GSG1L2: variants seen among roughly 807,000 people sequenced by gnomAD.
GSG1L2 encodes germ cell-specific gene 1-like protein 2.
GSG1L2 carries 15 observed loss-of-function variants against 9.0 expected under a neutral mutation model. That is an observed-to-expected ratio of 1.67 (90% CI 1.12 to 2.57). The LOEUF is 2.57. Ranked by LOEUF, GSG1L2 falls within the 30% of genes most tolerant of loss-of-function variation. The probability of loss-of-function intolerance (pLI) is 0.00; values close to 1 mark genes in which losing one functional copy is unlikely to be tolerated. For synonymous variants in GSG1L2, 127 were observed against 57.9 expected, an observed-to-expected ratio of 2.19 and a Z score of -5.41; for missense variants, 286 against 150.3, an observed-to-expected ratio of 1.90 and a Z score of -4.72.
intron 4 of GSG1L2, chr17:9,804,491 T>A (rs2066509998): frequency 6.6e-6 from 1 of 151,812 alleles, no homozygotes; most frequent in Non-Finnish European, 1.5e-5. Context: ...TGCACAGGAG[T>A]GGGAAGCTGT....
intron 1 of GSG1L2, among the ~76,000 whole-genome samples, chr17:9,812,991 C>T (rs548452834): frequency 5.9e-5 from 9 of 152,282 alleles, no homozygotes; most frequent in Middle Eastern, 3.4e-3. Context: ...TAATTCCATA[C>T]GTGAGGGCTC....
intron 1 of GSG1L2, among the ~76,000 whole-genome samples, chr17:9,813,943 T>TC (rs1290889550): frequency 8.6e-6 from 1 of 115,846 alleles, no homozygotes; most frequent in African/African-American, 4.0e-5. Flanking sequence ...CACAGTTTTT[T>TC]CTGTTTTTTT....
At chr17:9,813,147 G>A (rs546299832) in intron 1 of GSG1L2, among the ~76,000 whole-genome samples, 17 of 152,294 alleles carry the variant, frequency 1.1e-4, no homozygotes, top group African/African-American at 3.6e-4. Context: ...GCAAGCATAC[G>A]CTTCTGGCAG....
In GSG1L2 at chr17:9,821,811, C is replaced by A. The variant is rs780350794; in HGVS notation, c.261G>T (p.Gly87=). 1 of 703,546 alleles carries A rather than the reference C, an allele frequency of 1.4e-6. No individual in the cohort carries two copies. Among genetic ancestry groups the A allele is most frequent in the Non-Finnish European group, 2.6e-6 (1 of 385,110 alleles). The allele number at this position is 703,546 out of a possible 1,614,324, so 43.6% of individuals were successfully genotyped here. A position where few individuals can be genotyped will look rare whatever the true frequency, so the allele number is the denominator to read the frequency against. The change falls in exon 1 of 5, where the codon GGG becomes GGT. Residue 87 remains glycine, a synonymous_variant. Transcript: ENST00000399363. ...AGGACTGCCAGAGCCCCACATGGAA[C>A]CCCCGCTGAATGAACTTGTCATCAC... The part of the protein sequence containing the change: ...ELGDDKFIQR[G]FHVGLWQSCE...
intron 1 of GSG1L2, among the ~76,000 whole-genome samples, chr17:9,816,360 ATGCGTGTGTCTGTGTGTG>A (rs1316078246): frequency 6.9e-4 from 73 of 106,000 alleles, no homozygotes; most frequent in South Asian, 5.9e-3. Context: ...GTGCACGCGT[ATGCGTGTGTCTGTGTGTG>A]TGCGTGTGTG....
chr17:9,820,954 G>C lies in GSG1L2; in HGVS notation c.310+808C>G, dbSNP rs1342914809. Among the ~76,000 whole-genome samples the C allele has an allele frequency of 6.6e-6, 1 of 152,196 alleles. No homozygotes were observed. The highest frequency in any genetic ancestry group is 1.9e-4 in the East Asian group (1 of 5,198). The stretch of plus-strand genomic sequence containing the variant: ...CTAGGATTATAGGAATGAGCCACCA[G>C]GCTGGGCCTCAGGGGCTTCATTCTT... On this transcript the variant is annotated intron_variant, in intron 1 of 4. Coordinates refer to ENST00000399363, the MANE Select transcript of GSG1L2 (RefSeq NM_001310219.2). This position sits in a 1 kb window ranked among gnomAD's most constrained non-coding sequence, Gnocchi z 4.9.
Position 9,802,570 on chromosome 17 carries a change from A to C in GSG1L2, c.698T>G (p.Leu233Arg). 1.4e-6 allele frequency: 1 copy of C among 702,802 alleles called. No individual in the cohort carries two copies. The highest frequency in any genetic ancestry group is 2.6e-6 in the Non-Finnish European group (1 of 384,938). 43.5% of individuals were successfully genotyped at this position (702,802 alleles called of 1,614,324 possible). Residue 233 changes from leucine (L) to arginine (R), a missense_variant, in exon 5 of 5, where the codon CTG (leucine) becomes CGG (arginine). Leu to Arg is a moderately radical substitution (Grantham distance 102). Transcript: ENST00000399363. Reference protein sequence around the residue: ...SAMSRFTAARLEFTEKQQAQN... With the variant: ...SAMSRFTAARREFTEKQQAQN... The stretch of plus-strand genomic sequence containing the variant: ...TGCCTGCTGCTTCTCGGTGAATTCC[A>C]GGCGGGCTGCCGTGAACCTGCTCAT...
chr17:9,800,736 T>C lies in GSG1L2; in HGVS notation c.*1650A>G, dbSNP rs1485849797. 6.6e-6 allele frequency among the ~76,000 whole-genome samples: 1 copy of C among 152,258 alleles called. No individual in the cohort carries two copies. The highest frequency in any genetic ancestry group is 2.4e-5 in the African/African-American group (1 of 41,470). The stretch of plus-strand genomic sequence containing the variant: ...TTCCCTGTAAGATGAGACTTTGACC[T>C]GATATCGTGACAGTCACACAGGACC... On this transcript the variant is annotated 3_prime_UTR_variant, in exon 5 of 5. Coordinates refer to ENST00000399363, the MANE Select transcript of GSG1L2 (RefSeq NM_001310219.2).
chr17:9,807,782 C>A, intron 3 of GSG1L2, 181 bp from the exon 4 acceptor site: 1 of 578,292 alleles, frequency 1.7e-6, no homozygotes. Context: ...ACTGAAGAGA[C>A]ATCCGGAAAG....
intron 1 of GSG1L2, among the ~76,000 whole-genome samples, chr17:9,818,195 T>G (rs1438413646): frequency 1.3e-5 from 2 of 152,190 alleles, no homozygotes; most frequent in Admixed American, 1.3e-4. Flanking sequence ...TGGCATCTGC[T>G]CAGCTTCTGG....
At chr17:9,810,388 A>G in intron 2 of GSG1L2, 183 bp downstream of exon 2, 1 of 592,400 alleles carries the variant, frequency 1.7e-6, no homozygotes, top group Admixed American at 3.1e-5. Flanking sequence ...GCTGTTAAAC[A>G]TTTGCCAGCA....
chr17:9,815,183 G>T (rs35047689), intron 1 of GSG1L2, among the ~76,000 whole-genome samples: 46 of 151,994 alleles, frequency 3.0e-4, no homozygotes, highest in African/African-American at 1.0e-3. Context: ...GTCAGGAGAT[G>T]GAGACCATAC....
At chr17:9,816,317 C>A (rs576613171) in intron 1 of GSG1L2, among the ~76,000 whole-genome samples, 1 of 152,252 alleles carries the variant, frequency 6.6e-6, no homozygotes, top group East Asian at 1.9e-4. Context: ...ATGGGAAAAA[C>A]CCTTCCGTGG....
chr17:9,821,134 C>T (rs909534730), intron 1 of GSG1L2, among the ~76,000 whole-genome samples: 3 of 152,196 alleles, frequency 2.0e-5, no homozygotes, highest in African/African-American at 7.2e-5. Flanking sequence ...GGGAGGATTC[C>T]TCCTTTTTCT....
At chr17:9,802,714 C>T (rs892853924) in intron 4 of GSG1L2, 70 bp from the exon 5 acceptor site, 1 of 666,654 alleles carries the variant, frequency 1.5e-6, no homozygotes, top group Non-Finnish European at 2.7e-6. Flanking sequence ...TTTCTCCAGA[C>T]TGGGGGTCAA....
chr17:9,806,799 A>C (rs1322434796), intron 4 of GSG1L2, among the ~76,000 whole-genome samples: 1 of 152,196 alleles, frequency 6.6e-6, no homozygotes, highest in Non-Finnish European at 1.5e-5. Context: ...AAAAATTAAC[A>C]TCTTCAGACT....
intron 4 of GSG1L2, chr17:9,804,105 G>T: frequency 6.6e-6 from 1 of 152,412 alleles, no homozygotes; most frequent in Non-Finnish European, 1.5e-5. Context: ...CAAGGACAAG[G>T]AGAATTGGAG....
At chr17:9,819,964 C>T (rs533735234) in intron 1 of GSG1L2, among the ~76,000 whole-genome samples, 77 of 151,934 alleles carry the variant, frequency 5.1e-4, no homozygotes, top group African/African-American at 1.7e-3. Flanking sequence ...TGGCTCATGC[C>T]TGTAATCCCA....
chr17:9,816,844 GTT>G (rs1392233994), intron 1 of GSG1L2, among the ~76,000 whole-genome samples: 30 of 118,560 alleles, frequency 2.5e-4, no homozygotes, highest in Non-Finnish European at 1.8e-4. Flanking sequence ...ATCTGTGTGT[GTT>G]TCTGTGTATC....
Sources: gnomAD v4.1 joint callset for allele counts (sites outside exome capture counted in the v4.1 genomes callset) on GRCh38, gnomAD v4.1.1 for gene constraint, Gnocchi (gnomAD v3.1) non-coding constraint, MANE v1.5 for transcripts, NCBI Gene and HGNC (gene_info 2026-07-23, HGNC 2026-07-21) for gene names.